ZPLD1: variants seen among roughly 807,000 people sequenced by gnomAD.
ZPLD1 encodes the protein zona pellucida like domain containing 1.
Under a neutral mutation model 47.2 loss-of-function variants are expected in ZPLD1, and 34 were observed. The ratio of observed to expected loss-of-function variants is 0.72; its 90% CI spans 0.55 to 0.96. The LOEUF is 0.96. ZPLD1 is among the 40% of genes least tolerant of loss of function. The probability of loss-of-function intolerance (pLI) is 0.00; values close to 1 mark genes in which losing one functional copy is unlikely to be tolerated. For missense variants in ZPLD1, 512 were observed against 505.8 expected (o/e 1.01, Z -0.12); for synonymous variants, 176 against 186.2 (o/e 0.95, Z 0.45).
intron 7 of ZPLD1, among the ~76,000 whole-genome samples, chr3:102,403,242 G>A (rs75368213): frequency 7.3e-5 from 11 of 151,200 alleles, no homozygotes; most frequent in Middle Eastern, 3.2e-3. Flanking sequence ...GAGAGAGAGA[G>A]AAAAAAAAAT....
chr3:102,473,480 G>A (rs1014212558), intron 10 of ZPLD1, among the ~76,000 whole-genome samples: 5 of 152,110 alleles, frequency 3.3e-5, no homozygotes, highest in Admixed American at 2.0e-4. Context: ...ACATGCTAGA[G>A]TTTTCTCAGG....
chr3:102,463,558 G>A (rs952520427), intron 7 of ZPLD1, among the ~76,000 whole-genome samples: 4 of 152,090 alleles, frequency 2.6e-5, no homozygotes, highest in African/African-American at 9.7e-5. Flanking sequence ...AACACTTTGA[G>A]TTCAGGAGAA....
At chr3:102,456,944 G>A (rs1707426082) in intron 5 of ZPLD1, among the ~76,000 whole-genome samples, 1 of 152,200 alleles carries the variant, frequency 6.6e-6, no homozygotes, top group Non-Finnish European at 1.5e-5. Flanking sequence ...TACGGACTGA[G>A]GGTGTAGCCT....
intron 7 of ZPLD1, among the ~76,000 whole-genome samples, chr3:102,400,702 G>A (rs1314424392): frequency 1.3e-5 from 2 of 151,752 alleles, no homozygotes. Context: ...TCCCTCATTG[G>A]GATAGTGTGA....
At chr3:102,431,805 A>G (rs1003267826), upstream of ZPLD1, among the ~76,000 whole-genome samples, 4 of 152,312 alleles carry the variant, frequency 2.6e-5, no homozygotes, top group South Asian at 2.1e-4. Flanking sequence ...GCTACTCAGG[A>G]GGCTGAGGCA....
rs751283796 is a variant in ZPLD1, at chr3:102,470,388, C to T, written c.934-6C>T. ...GGAATTTCATTTGTTTTCATTAACACCTCAGATTTGCAGCCACAGAGAAAG... is the reference window on the plus strand; with the variant it reads ...GGAATTTCATTTGTTTTCATTAACATCTCAGATTTGCAGCCACAGAGAAAG... On this transcript the variant is annotated splice_polypyrimidine_tract_variant and splice_region_variant and intron_variant, in intron 9 of 11. Coordinates refer to ENST00000466937, the MANE Select transcript of ZPLD1 (RefSeq NM_001329788.2). 21 of 1,612,566 alleles carry T rather than the reference C, an allele frequency of 1.3e-5. No homozygotes were observed. In the East Asian group the frequency reaches 1.6e-4, roughly 12 times the overall value.
intron 7 of ZPLD1, among the ~76,000 whole-genome samples, chr3:102,407,635 T>C (rs1186174674): frequency 1.7e-4 from 26 of 151,320 alleles, no homozygotes; most frequent in African/African-American, 6.1e-4. Flanking sequence ...TACTAGAAAC[T>C]CTTTTAGGCA....
chr3:102,477,332 G>A (rs1369675781), intron 11 of ZPLD1, 111 bp from the exon 12 acceptor site: 1 of 1,120,382 alleles, frequency 8.9e-7, no homozygotes, highest in East Asian at 2.4e-5. Flanking sequence ...TCAGTGCCAT[G>A]CTGCTATTCT....
Position 102,477,558 on chromosome 3 carries a change from G to GGCC in ZPLD1, c.1188_1189insGCC (p.Leu396_His397insAla). On this transcript the variant is annotated inframe_insertion, in exon 12 of 12. Coordinates refer to ENST00000466937, the MANE Select transcript of ZPLD1 (RefSeq NM_001329788.2). ...TTCTTCTGTGCTCACTGGCCCTTCTGCACAGGAAGGGACCCACAAGTTTAG... is the reference window on the plus strand; with the variant it reads ...TTCTTCTGTGCTCACTGGCCCTTCTGGCCCACAGGAAGGGACCCACAAGTTTAG... 4 of 1,613,706 alleles carry GGCC rather than the reference G, an allele frequency of 2.5e-6. No homozygotes were observed. The highest frequency in any genetic ancestry group is 3.4e-6 in the Non-Finnish European group (4 of 1,179,734).
intron 6 of ZPLD1, among the ~76,000 whole-genome samples, chr3:102,387,758 T>C (rs534459524): frequency 2.2e-4 from 34 of 151,928 alleles, no homozygotes; most frequent in African/African-American, 7.7e-4. Flanking sequence ...AATTTTACAA[T>C]AAAGTGTCTA....
chr3:102,431,810 G>A (rs1034792436), upstream of ZPLD1, among the ~76,000 whole-genome samples: 3 of 152,226 alleles, frequency 2.0e-5, no homozygotes, highest in Non-Finnish European at 4.4e-5. Context: ...TCAGGAGGCT[G>A]AGGCAGGAGA....
chr3:102,406,535 A>C (rs1363153728), intron 7 of ZPLD1, among the ~76,000 whole-genome samples: 1 of 151,904 alleles, frequency 6.6e-6, no homozygotes, highest in East Asian at 1.9e-4. Flanking sequence ...ATTTATATAC[A>C]AGTTTTTAGG....
chr3:102,398,301 C>T (rs761781241), intron 7 of ZPLD1, among the ~76,000 whole-genome samples: 1 of 151,862 alleles, frequency 6.6e-6, no homozygotes, highest in Non-Finnish European at 1.5e-5. Flanking sequence ...AATTCACATA[C>T]CATATTTGAA....
intron 7 of ZPLD1, among the ~76,000 whole-genome samples, chr3:102,462,801 A>T (rs1291168996): frequency 1.3e-5 from 2 of 152,110 alleles, no homozygotes; most frequent in Non-Finnish European, 2.9e-5. Flanking sequence ...AATTACATAA[A>T]ATGATCTCCA....
intron 10 of ZPLD1, 55 bp downstream of exon 10, chr3:102,470,557 T>C: frequency 6.9e-7 from 1 of 1,445,538 alleles, no homozygotes; most frequent in Non-Finnish European, 9.7e-7. Context: ...AATGCCTCGT[T>C]ACTTGGCTTC....
At chr3:102,469,786 A>T (rs996881897) in intron 9 of ZPLD1, among the ~76,000 whole-genome samples, 1 of 152,208 alleles carries the variant, frequency 6.6e-6, no homozygotes, top group Non-Finnish European at 1.5e-5. Context: ...AAAGGTGTGC[A>T]TCTGTATTGC....
Position 102,477,443 on chromosome 3 carries a change from G to A in ZPLD1, c.1073G>A (p.Gly358Asp). 2 of 1,610,524 alleles carry A rather than the reference G, an allele frequency of 1.2e-6. No homozygotes were observed. The highest frequency in any genetic ancestry group is 1.7e-6 in the Non-Finnish European group (2 of 1,178,672). Reference protein sequence around the residue: ...DETPTNNSQLGSPSMPPFQLN... With the variant: ...DETPTNNSQLDSPSMPPFQLN... ...ACCGGGTGTGTTTTATTATTTGCAG[G>A]TTCTCCAAGTATGCCTCCCTTCCAG... The change falls in exon 12 of 12, where the codon GGT becomes GAT. Residue 358 changes from glycine (G) to aspartate (D), a missense_variant and splice_region_variant. Coordinates refer to ENST00000466937, the MANE Select transcript of ZPLD1 (RefSeq NM_001329788.2).
intron 7 of ZPLD1, among the ~76,000 whole-genome samples, chr3:102,398,005 ACTTTAACAC>A (rs1706576594): frequency 6.6e-6 from 1 of 152,144 alleles, no homozygotes; most frequent in Non-Finnish European, 1.5e-5. Flanking sequence ...GAGACAGATC[ACTTTAACAC>A]TTAAGATAAA....
intron 3 of ZPLD1, among the ~76,000 whole-genome samples, chr3:102,439,031 C>A (rs911751966): frequency 6.6e-6 from 1 of 152,098 alleles, no homozygotes; most frequent in South Asian, 2.1e-4. Flanking sequence ...ACAAAGGACA[C>A]AGGTGAGCTT....
Sources: gnomAD v4.1 joint callset for allele counts (sites outside exome capture counted in the v4.1 genomes callset) on GRCh38, gnomAD v4.1.1 for gene constraint, MANE v1.5 for transcripts, NCBI Gene and HGNC (gene_info 2026-07-23, HGNC 2026-07-21) for gene names.